Variants in NELL2 observed in about 807,000 individuals in gnomAD.
NELL2 encodes protein kinase C-binding protein NELL2.
NELL2 carries 41 observed loss-of-function variants against 109.6 expected under a neutral mutation model. The observed-to-expected ratio is 0.37, with a 90% CI of 0.29 to 0.49. The LOEUF is 0.49. Among genes scored for constraint, NELL2 ranks in the 20% least tolerant of loss-of-function variants. The probability of loss-of-function intolerance (pLI) is 0.98; values close to 1 mark genes in which losing one functional copy is unlikely to be tolerated. For missense variants in NELL2, 900 were observed against 1,008.3 expected, an observed-to-expected ratio of 0.89 and a Z score of 1.45; for synonymous variants, 355 against 344.7, an observed-to-expected ratio of 1.03 and a Z score of -0.33.
chr12:44,538,246 A>G (rs1206126442), intron 15 of NELL2, among the ~76,000 whole-genome samples: 2 of 152,212 alleles, frequency 1.3e-5, no homozygotes, highest in Non-Finnish European at 2.9e-5. Context: ...GCTTTGGAAT[A>G]TCACAGTGTA....
intron 15 of NELL2, among the ~76,000 whole-genome samples, chr12:44,548,396 T>C (rs1942890762): frequency 6.6e-6 from 1 of 151,722 alleles, no homozygotes; most frequent in African/African-American, 2.4e-5. Context: ...AAAAAAAACA[T>C]TAGCTGGGCA....
intron 12 of NELL2, among the ~76,000 whole-genome samples, chr12:44,666,839 C>G (rs1947940329): frequency 6.6e-6 from 1 of 152,060 alleles, no homozygotes; most frequent in Non-Finnish European, 1.5e-5. Flanking sequence ...ACCTCACTCC[C>G]TTCTCCCCTC....
chr12:44,644,604 G>GTATATATATATATATATATATATA (rs1555190872), intron 13 of NELL2, among the ~76,000 whole-genome samples: 6 of 81,232 alleles, frequency 7.4e-5, no homozygotes, highest in African/African-American at 1.7e-4. Flanking sequence ...ATATATATAT[G>GTATATATATATATATATATATATA]TATGTATATA....
chr12:44,750,042 T>C (rs376108949), intron 9 of NELL2, among the ~76,000 whole-genome samples: 3 of 151,424 alleles, frequency 2.0e-5, no homozygotes, highest in Non-Finnish European at 4.4e-5. Context: ...AGGGAACATA[T>C]AAAAAGAGAG....
intron 15 of NELL2, among the ~76,000 whole-genome samples, chr12:44,574,096 T>C (rs1014624830): frequency 6.6e-6 from 1 of 151,708 alleles, no homozygotes; most frequent in Non-Finnish European, 1.5e-5. Context: ...TGGAGTCTCG[T>C]TCTGTTGCCC....
intron 13 of NELL2, among the ~76,000 whole-genome samples, chr12:44,629,901 C>A (rs1946390244): frequency 6.6e-6 from 1 of 152,148 alleles, no homozygotes; most frequent in African/African-American, 2.4e-5. Context: ...CTTTTCTAAT[C>A]TGTCTTTGTC....
intron 1 of NELL2, among the ~76,000 whole-genome samples, chr12:44,883,000 CCAGA>C (rs1212073282): frequency 1.4e-5 from 2 of 147,704 alleles, no homozygotes; most frequent in Non-Finnish European, 3.0e-5. Flanking sequence ...AACAACATGC[CCAGA>C]CAATTTTTTT....
chr12:44,620,800 C>T (rs920898807), intron 13 of NELL2, among the ~76,000 whole-genome samples: 2 of 152,122 alleles, frequency 1.3e-5, no homozygotes, highest in Non-Finnish European at 2.9e-5. Flanking sequence ...CCAAACTGGG[C>T]ACTAAATAGC....
intron 1 of NELL2, among the ~76,000 whole-genome samples, chr12:44,893,590 C>T (rs1421916806): frequency 1.3e-5 from 2 of 152,068 alleles, no homozygotes; most frequent in African/African-American, 4.8e-5. Context: ...TAGTGGCTTC[C>T]TCATTGCATA....
In NELL2 at chr12:44,523,369, G is replaced by A. The variant is rs1480984872; in HGVS notation, c.1920C>T (p.Cys640=). ...CPHGKNCTGD[C]IHDGKVKHNG... ...TGTGCTTAACTTTTCCATCATGGAT[G>A]CAGTCCCCTGTGCAATTCTTTCCAT... is the stretch of plus-strand genomic sequence containing the variant. Residue 640 remains cysteine (C), a synonymous_variant, in exon 17 of 20, where the codon TGC becomes TGT. Coordinates refer to ENST00000429094, the MANE Select transcript of NELL2 (RefSeq NM_001145108.2). The A allele has an allele frequency of 1.2e-6, 2 of 1,614,122 alleles. No homozygotes were observed. The highest frequency in any genetic ancestry group is 1.7e-6 in the Non-Finnish European group (2 of 1,180,012).
chr12:44,794,055 C>CT (rs1046811044), intron 3 of NELL2, among the ~76,000 whole-genome samples: 2 of 152,172 alleles, frequency 1.3e-5, no homozygotes, highest in African/African-American at 4.8e-5. Flanking sequence ...TGGCTCCCCC[C>CT]GTTGTCCCCT....
chr12:44,638,494 T>C (rs532082887), intron 13 of NELL2, among the ~76,000 whole-genome samples: 11 of 152,246 alleles, frequency 7.2e-5, no homozygotes, highest in South Asian at 4.1e-4. Flanking sequence ...GTGGGAAGAA[T>C]TGATTAGGGA....
At position 44,854,672 on chromosome 12, in the gene NELL2, ATGGATGGATGGGTGGATGGATGGG is replaced by A. The variant is rs1278741911; in HGVS notation, c.184+20529_184+20552del. Among the ~76,000 whole-genome samples the A allele has an allele frequency of 2.8e-5, 4 of 145,228 alleles. 1 individual carries two copies. Among genetic ancestry groups the A allele is most frequent in the Admixed American group, 1.4e-4 (2 of 13,974 alleles). ...ATTGGATGGATGGATGGATGGATGG[ATGGATGGATGGGTGGATGGATGGG>A]TGGATGGATGGGTGGGTGGGTGGAT... On this transcript the variant is annotated intron_variant, in intron 2 of 19. Transcript: ENST00000429094.
intron 10 of NELL2, among the ~76,000 whole-genome samples, chr12:44,712,208 CA>C (rs1026939436): frequency 6.6e-6 from 1 of 151,968 alleles, no homozygotes; most frequent in Non-Finnish European, 1.5e-5. Flanking sequence ...TGCAAGCTTC[CA>C]TGTTAACTAC....
chr12:44,590,565 C>A (rs143684459), intron 15 of NELL2, among the ~76,000 whole-genome samples: 1 of 152,038 alleles, frequency 6.6e-6, no homozygotes, highest in Non-Finnish European at 1.5e-5. Context: ...GTTTTTGCCA[C>A]AAAAACCATT....
chr12:44,543,407 T>C (rs1942662042), intron 15 of NELL2, among the ~76,000 whole-genome samples: 1 of 152,198 alleles, frequency 6.6e-6, no homozygotes, highest in Non-Finnish European at 1.5e-5. Flanking sequence ...CCTGATTCCA[T>C]CTTTCCCTCC....
In NELL2 at chr12:44,588,522, C is replaced by T. The variant is rs150453033; in HGVS notation, c.1663+18647G>A. Among the ~76,000 whole-genome samples the T allele has an allele frequency of 6.1e-3, 935 of 152,278 alleles. 8 individuals carry two copies. Among genetic ancestry groups the T allele is most frequent in the African/African-American group, 0.021 (875 of 41,554 alleles). ...CTCAGGGATCTTCCCTTGCATGCCA[C>T]AGTACGCTGCAGATGGCACTGAAAG... On this transcript the variant is annotated intron_variant, in intron 15 of 19. Coordinates refer to ENST00000429094, the MANE Select transcript of NELL2 (RefSeq NM_001145108.2).
At chr12:44,666,036 T>C (rs896826145) in intron 12 of NELL2, among the ~76,000 whole-genome samples, 4 of 152,144 alleles carry the variant, frequency 2.6e-5, no homozygotes, top group African/African-American at 9.7e-5. Context: ...GTGTTCGATA[T>C]AAACCAGAAT....
rs114376925 is a variant in NELL2, at chr12:44,875,636, C to A, written c.55+179G>T. 2.8e-3 allele frequency: 4,450 copies of A among 1,604,652 alleles called. 107 individuals carry two copies. In the African/African-American group the frequency reaches 0.051, roughly 19 times the overall value. On this transcript the variant is annotated intron_variant, in intron 1 of 19. Transcript: ENST00000429094. Reference sequence around the variant, plus strand: ...TGGACTAGGGGCGTGATCCGCCTCGCGGTCTCCAAGGCAAGCACAGAAAAA... The same window carrying A: ...TGGACTAGGGGCGTGATCCGCCTCGAGGTCTCCAAGGCAAGCACAGAAAAA...
Sources: allele counts gnomAD v4.1 joint callset (sites outside exome capture counted in the v4.1 genomes callset), GRCh38; gene constraint gnomAD v4.1.1; transcripts MANE v1.5; gene names NCBI Gene and HGNC (gene_info 2026-07-23, HGNC 2026-07-21).